Variants in OR10A3 observed in about 807,000 individuals in gnomAD.
OR10A3 encodes olfactory receptor 10A3.
In OR10A3, 1 loss-of-function variant was observed where a neutral mutation model predicts 1.5. The observed-to-expected ratio is 0.66, with a 90% CI of 0.23 to 3.11. OR10A3 has a LOEUF of 3.11. Among genes scored for constraint, OR10A3 ranks in the 30% most tolerant of loss-of-function variants. OR10A3 has a pLI of 0.21. For synonymous variants in OR10A3, 145 were observed against 143.7 expected, an observed-to-expected ratio of 1.01 and a Z score of -0.06; for missense variants, 398 against 369.7, an observed-to-expected ratio of 1.08 and a Z score of -0.63.
At chr11:7,940,767 A>T (rs2133622705) in intron 1 of OR10A3, among the ~76,000 whole-genome samples, 1 of 152,290 alleles carries the variant, frequency 6.6e-6, no homozygotes, top group African/African-American at 2.4e-5. Context: ...AAGGTCCATT[A>T]AGCAGAGGAG....
In OR10A3 at chr11:7,941,644, G is replaced by A. The variant is rs1026982811; in HGVS notation, c.-236C>T. The A allele has an allele frequency of 9.9e-5, 15 of 152,142 alleles. No homozygotes were observed. The highest frequency in any genetic ancestry group is 3.6e-4 in the African/African-American group (15 of 41,436). 9.4% of individuals were successfully genotyped at this position (152,142 alleles called of 1,614,324 possible). On this transcript the variant is annotated 5_prime_UTR_variant, in exon 1 of 2. Coordinates refer to ENST00000642047, the MANE Select transcript of OR10A3 (RefSeq NM_001003745.2). ...CCAATTATCAGTGAGGATAACTACA[G>A]AAGGCAAACCCACCAACAAGTACCA...
At chr11:7,940,950 T>C (rs923739387) in intron 1 of OR10A3, among the ~76,000 whole-genome samples, 1 of 152,158 alleles carries the variant, frequency 6.6e-6, no homozygotes, top group Admixed American at 6.5e-5. Context: ...GAAGACATCT[T>C]GATTTCATAT....
Position 7,939,477 on chromosome 11 carries a change from A to T in OR10A3, c.44T>A (p.Leu15Gln), listed in dbSNP as rs1457919854. 1 of 1,586,276 alleles carries T rather than the reference A, an allele frequency of 6.3e-7. No individual in the cohort carries two copies. The highest frequency in any genetic ancestry group is 8.5e-7 in the Non-Finnish European group (1 of 1,172,432). Residue 15 changes from leucine (L) to glutamine (Q), a missense_variant, in exon 2 of 2, where the codon CTG becomes CAG. Transcript: ENST00000642047. ...GAGCTCAGGAAAGTTAGAAAAGCCC[A>T]GGAGGATGAATTCAACCACACAGCT... is the stretch of plus-strand genomic sequence containing the variant. ...NQSCVVEFIL[L>Q]GFSNFPELQV...
Position 7,938,341 on chromosome 11 carries a change from A to G in OR10A3, c.*235T>C. ...AAAAAATGACAGTAATCCAGTAGCTACTTGGATGTTCATAATAGAGAAATG... is the reference window on the plus strand; with the variant it reads ...AAAAAATGACAGTAATCCAGTAGCTGCTTGGATGTTCATAATAGAGAAATG... On this transcript the variant is annotated 3_prime_UTR_variant, in exon 2 of 2. Coordinates refer to ENST00000642047, the MANE Select transcript of OR10A3 (RefSeq NM_001003745.2). The G allele has an allele frequency of 2.4e-6, 1 of 412,374 alleles. No homozygotes were observed. The highest frequency in any genetic ancestry group is 6.7e-4 in the Middle Eastern group (1 of 1,486). The allele number at this position is 412,374 out of a possible 1,614,324, so 25.5% of individuals were successfully genotyped here. A position where few individuals can be genotyped will look rare whatever the true frequency, so the allele number is the denominator to read the frequency against.
In OR10A3 at chr11:7,938,712, G is replaced by A. The variant is rs758667752; in HGVS notation, c.809C>T (p.Thr270Ile). The change falls in exon 2 of 2, where the codon ACC becomes ATC. Residue 270 changes from threonine to isoleucine, a missense_variant. By Grantham distance (89) the Thr-to-Ile change is moderately conservative. Coordinates refer to ENST00000642047, the MANE Select transcript of OR10A3 (RefSeq NM_001003745.2). ...GTAAGCCAATGAGATCAGTTTCTTG[G>A]TTTCGGGTGAGTAGCCAGATTTGGG... ...LQPKSGYSPE[T>I]KKLISLAYTL... The A allele has an allele frequency of 2.0e-5, 32 of 1,614,054 alleles. No individual in the cohort carries two copies. The Middle Eastern group carries it at 1.2e-3, about 58-fold the overall frequency.
chr11:7,938,716 C>T lies in OR10A3; in HGVS notation c.805G>A (p.Glu269Lys), dbSNP rs142623287. The change falls in exon 2 of 2, where the codon GAA becomes AAA. Residue 269 changes from glutamate (E) to lysine (K), a missense_variant. Transcript: ENST00000642047. ...YLQPKSGYSP[E>K]TKKLISLAYT... ...GCCAATGAGATCAGTTTCTTGGTTT[C>T]GGGTGAGTAGCCAGATTTGGGTTGT... The T allele has an allele frequency of 2.8e-4, 452 of 1,613,996 alleles. No homozygotes were observed. The highest frequency in any genetic ancestry group is 3.4e-4 in the Non-Finnish European group (402 of 1,180,040).
Position 7,938,373 on chromosome 11 carries a change from TAA to T in OR10A3, c.*201_*202del, listed in dbSNP as rs1205852727. ...TGTTCATAATAGAGAAATGGATGAA[TAA>T]ACTGTTGTGTCATGTTATGAGAACA... On this transcript the variant is annotated 3_prime_UTR_variant, in exon 2 of 2. Coordinates refer to ENST00000642047, the MANE Select transcript of OR10A3 (RefSeq NM_001003745.2). The T allele has an allele frequency of 4.1e-6, 2 of 493,028 alleles. No individual in the cohort carries two copies. The highest frequency in any genetic ancestry group is 4.0e-5 in the African/African-American group (2 of 50,618). 30.5% of individuals were successfully genotyped at this position (493,028 alleles called of 1,614,324 possible).
chr11:7,940,191 T>C (rs1433592115), intron 1 of OR10A3, among the ~76,000 whole-genome samples: 3 of 151,832 alleles, frequency 2.0e-5, no homozygotes, highest in Non-Finnish European at 2.9e-5. Flanking sequence ...GAACATGGAG[T>C]AGTGGTGGGT....
At chr11:7,940,073 A>G (rs563503145) in intron 1 of OR10A3, among the ~76,000 whole-genome samples, 13 of 152,328 alleles carry the variant, frequency 8.5e-5, no homozygotes, top group Non-Finnish European at 1.9e-4. Flanking sequence ...GGTTAGAAGC[A>G]GCAGAATGAT....
intron 1 of OR10A3, among the ~76,000 whole-genome samples, chr11:7,940,811 A>G (rs890272266): frequency 2.0e-5 from 3 of 152,192 alleles, no homozygotes; most frequent in Non-Finnish European, 4.4e-5. Context: ...CCTTGCTCAG[A>G]TAGAAGGTAT....
rs937426813 is a variant in OR10A3 at position 7,939,009 on chromosome 11, G to A, written c.512C>T (p.Pro171Leu). ...TWVFSFPFCG[P>L]NEINHLFCET... The stretch of plus-strand genomic sequence containing the variant: ...ACAGAAGAGATGATTAATTTCATTG[G>A]GGCCACAAAATGGAAAACTAAATAC... Residue 171 changes from proline to leucine, a missense_variant, in exon 2 of 2, where the codon CCC becomes CTC. Transcript: ENST00000642047. 1.2e-6 allele frequency: 2 copies of A among 1,614,088 alleles called. No individual in the cohort carries two copies. The highest frequency in any genetic ancestry group is 1.7e-6 in the Non-Finnish European group (2 of 1,180,026).
chr11:7,939,600 A>T lies in OR10A3; in HGVS notation c.-80T>A, dbSNP rs1319929040. The T allele has an allele frequency of 3.6e-6, 4 of 1,115,682 alleles. No individual in the cohort carries two copies. The highest frequency in any genetic ancestry group is 5.0e-6 in the Non-Finnish European group (4 of 799,938). 69.1% of individuals were successfully genotyped at this position (1,115,682 alleles called of 1,614,324 possible). The stretch of plus-strand genomic sequence containing the variant: ...TCGTAATCCCATAGCTGTGAGTTCA[A>T]GTCTGGAATTCTTGACAGCAGATGT... On this transcript the variant is annotated 5_prime_UTR_variant, in exon 2 of 2. The change creates a new upstream start codon in the 5' untranslated region. Coordinates refer to ENST00000642047, the MANE Select transcript of OR10A3 (RefSeq NM_001003745.2).
chr11:7,940,454 C>T (rs1243856748), intron 1 of OR10A3, among the ~76,000 whole-genome samples: 3 of 152,110 alleles, frequency 2.0e-5, no homozygotes, highest in Non-Finnish European at 4.4e-5. Flanking sequence ...CACGCTCCAC[C>T]TCACTGCCTC....
In OR10A3 at chr11:7,939,235, C is replaced by T. The variant is rs148948128; in HGVS notation, c.286G>A (p.Gly96Ser). The T allele has an allele frequency of 1.4e-4, 229 of 1,614,064 alleles. No individual in the cohort carries two copies. The highest frequency in any genetic ancestry group is 1.8e-4 in the Non-Finnish European group (217 of 1,180,052). ...ATGAAATACATCTGTGCAAAACAGC[C>T]CACAAAAGAAATCATAGTTTTCTCA... ...STEKTMISFV[G>S]CFAQMYFILL... The change falls in exon 2 of 2, where the codon GGC becomes AGC. Residue 96 changes from glycine to serine, a missense_variant. By Grantham distance (56) the Gly-to-Ser change is moderately conservative. Coordinates refer to ENST00000642047, the MANE Select transcript of OR10A3 (RefSeq NM_001003745.2).
At chr11:7,939,907 C>G (rs538530171) in intron 1 of OR10A3, among the ~76,000 whole-genome samples, 1 of 152,258 alleles carries the variant, frequency 6.6e-6, no homozygotes, top group Admixed American at 6.5e-5. Flanking sequence ...TATACCTCTT[C>G]CCTTAGTTGG....
At chr11:7,939,838 C>G (rs1002014211) in intron 1 of OR10A3, 140 bp from the exon 2 acceptor site, 6 of 278,800 alleles carry the variant, frequency 2.2e-5, no homozygotes, top group African/African-American at 1.3e-4. Flanking sequence ...CCAAGTTCCC[C>G]TTTAAAAGCC....
At position 7,938,639 on chromosome 11, in the gene OR10A3, G is replaced by C; in HGVS notation, c.882C>G (p.Asn294Lys). The change falls in exon 2 of 2, where the codon AAC (asparagine) becomes AAG (lysine). Residue 294 changes from asparagine to lysine, a missense_variant. Asn to Lys is a moderately conservative substitution (Grantham distance 94). Transcript: ENST00000642047. ...LLNPLIYSLR[N>K]SEMKRTLIKL... ...TTATCAAAGTCCTCTTCATCTCACTGTTTCGTAAGCTATAGATGAGCGGAT... is the reference window on the plus strand; with the variant it reads ...TTATCAAAGTCCTCTTCATCTCACTCTTTCGTAAGCTATAGATGAGCGGAT... 1 of 1,614,020 alleles carries C rather than the reference G, an allele frequency of 6.2e-7. No individual in the cohort carries two copies. Among genetic ancestry groups the C allele is most frequent in the Non-Finnish European group, 8.5e-7 (1 of 1,180,016 alleles).
chr11:7,938,422 T>C lies in OR10A3; in HGVS notation c.*154A>G. 1.7e-6 allele frequency: 1 copy of C among 604,172 alleles called. No homozygotes were observed. The highest frequency in any genetic ancestry group is 2.3e-5 in the South Asian group (1 of 44,252). 37.4% of individuals were successfully genotyped at this position (604,172 alleles called of 1,614,324 possible). On this transcript the variant is annotated 3_prime_UTR_variant, in exon 2 of 2. Transcript: ENST00000642047. ...AACATATGTATCTACTAAAAACAAG[T>C]GACAGCAGTTCTTTATTGAGATACG...
Position 7,939,449 on chromosome 11 carries a change from C to G in OR10A3, c.72G>C (p.Gln24His), listed in dbSNP as rs957345462. 1 of 1,603,126 alleles carries G rather than the reference C, an allele frequency of 6.2e-7. No individual in the cohort carries two copies. Among genetic ancestry groups the G allele is most frequent in the African/African-American group, 1.4e-5 (1 of 73,992 alleles). Residue 24 changes from glutamine to histidine, a missense_variant, in exon 2 of 2, where the codon CAG becomes CAC. Coordinates refer to ENST00000642047, the MANE Select transcript of OR10A3 (RefSeq NM_001003745.2). ...CTAGGAAAACCCCAAAGAGCTGCAC[C>G]TGGAGCTCAGGAAAGTTAGAAAAGC... ...LLGFSNFPEL[Q>H]VQLFGVFLVI...
Sources: gnomAD v4.1 joint callset for allele counts (sites outside exome capture counted in the v4.1 genomes callset) on GRCh38, gnomAD v4.1.1 for gene constraint, MANE v1.5 for transcripts, NCBI Gene and HGNC (gene_info 2026-07-23, HGNC 2026-07-21) for gene names.